The following ZNF254 variants were observed in gnomAD, a reference collection of about 807,000 sequenced individuals.
The protein encoded by ZNF254 is zinc finger protein 254.
A neutral mutation model predicts 12.4 loss-of-function variants in ZNF254; 10 were observed. The observed-to-expected ratio is 0.80, with a 90% CI of 0.50 to 1.36. The LOEUF (loss-of-function observed/expected upper bound fraction) is 1.36, where lower values mean the gene tolerates loss of function less well. ZNF254 is among the 40% of genes most tolerant of loss of function. ZNF254 has a pLI of 0.00. For missense variants in ZNF254, 996 were observed against 763.9 expected (o/e 1.30, Z -3.58); for synonymous variants, 305 against 253.4 (o/e 1.20, Z -1.93).
intron 1 of ZNF254, among the ~76,000 whole-genome samples, chr19:24,096,059 CTT>C (rs200037759): frequency 6.2e-4 from 75 of 121,570 alleles, no homozygotes; most frequent in Admixed American, 6.6e-4. Flanking sequence ...TTTTTTAGTT[CTT>C]TTTTTTTTTT....
intron 2 of ZNF254, among the ~76,000 whole-genome samples, chr19:24,068,374 C>T (rs1430621159): frequency 2.0e-5 from 3 of 151,972 alleles, no homozygotes; most frequent in Admixed American, 1.3e-4. Context: ...GATCTTGGCT[C>T]ACTGCAAAAT....
chr19:24,126,234 T>G lies in ZNF254; in HGVS notation c.254-20T>G, dbSNP rs1330242440. ...AGTCTAGTAAGTGGAGTAATTTATT[T>G]ATTTTTATTTTTTTTTCAGGTATGT... On this transcript the variant is annotated intron_variant, in intron 3 of 3. Transcript: ENST00000357002. 1 of 1,396,810 alleles carries G rather than the reference T, an allele frequency of 7.2e-7. No homozygotes were observed. Among genetic ancestry groups the G allele is most frequent in the Non-Finnish European group, 9.3e-7 (1 of 1,070,514 alleles). 86.5% of individuals were successfully genotyped at this position (1,396,810 alleles called of 1,614,324 possible).
chr19:24,054,946 TG>T (rs1970782883), intron 2 of ZNF254, among the ~76,000 whole-genome samples: 1 of 152,030 alleles, frequency 6.6e-6, no homozygotes, highest in Non-Finnish European at 1.5e-5. Context: ...GGCTCACGCC[TG>T]TAATCCCAGC....
At chr19:24,040,655 G>A (rs1292155955) in intron 1 of ZNF254, among the ~76,000 whole-genome samples, 3 of 152,116 alleles carry the variant, frequency 2.0e-5, no homozygotes, top group African/African-American at 4.8e-5. Context: ...GACACAATGC[G>A]AGTTTCCCAG....
chr19:24,048,003 C>CTTTTTTTTTTTTTTTTTTTTTTTT lies in ZNF254; in HGVS notation c.-94+1747_-94+1748insTTTTTTTTTTTTTTTTTTTTTTTT, dbSNP rs398034320. Among the ~76,000 whole-genome samples the CTTTTTTTTTTTTTTTTTTTTTTTT allele has an allele frequency of 3.5e-4, 24 of 68,820 alleles. 1 individual carries two copies. Among genetic ancestry groups the CTTTTTTTTTTTTTTTTTTTTTTTT allele is most frequent in the Admixed American group, 6.8e-4 (3 of 4,438 alleles). The allele number at this position is 68,820 out of a possible 152,430, so 45.1% of individuals were successfully genotyped here. ...CACCCGGCTCTTTTTTTCTTTTCTT[C>CTTTTTTTTTTTTTTTTTTTTTTTT]TTTTTTTTTTTTTTTTTTTTTTTGC... On this transcript the variant is annotated intron_variant, in intron 2 of 4. Transcript: ENST00000613065.
At chr19:24,109,310 C>T (rs983552017) in intron 3 of ZNF254, among the ~76,000 whole-genome samples, 2 of 152,156 alleles carry the variant, frequency 1.3e-5, no homozygotes, top group Non-Finnish European at 2.9e-5. Flanking sequence ...ATTTAAAACA[C>T]CTGCCTTCCT....
intron 3 of ZNF254, among the ~76,000 whole-genome samples, chr19:24,116,233 A>G (rs571686432): frequency 1.8e-4 from 28 of 152,106 alleles, no homozygotes; most frequent in African/African-American, 6.5e-4. Flanking sequence ...CTGAATCTGA[A>G]TGTTGGCCTG....
chr19:24,081,810 A>G (rs1308320450), intron 2 of ZNF254, among the ~76,000 whole-genome samples: 2 of 152,350 alleles, frequency 1.3e-5, no homozygotes, highest in African/African-American at 4.8e-5. Flanking sequence ...AAAGGCAATC[A>G]AGGTTTCTAA....
chr19:24,073,684 C>T (rs1286983556), intron 2 of ZNF254, among the ~76,000 whole-genome samples: 1 of 152,186 alleles, frequency 6.6e-6, no homozygotes, highest in Admixed American at 6.5e-5. Flanking sequence ...TGATGACTCT[C>T]AGACCAAGAT....
At chr19:24,076,217 G>A (rs1330287577) in intron 2 of ZNF254, among the ~76,000 whole-genome samples, 1 of 152,220 alleles carries the variant, frequency 6.6e-6, no homozygotes, top group Non-Finnish European at 1.5e-5. Flanking sequence ...AGTGATAAGT[G>A]TCCATGAAAT....
At chr19:24,037,803 T>C (rs1459022006) in intron 1 of ZNF254, among the ~76,000 whole-genome samples, 3 of 152,156 alleles carry the variant, frequency 2.0e-5, no homozygotes, top group Non-Finnish European at 4.4e-5. Flanking sequence ...GAGATGGGGT[T>C]TCTCCATGTT....
At chr19:24,086,547 C>T (rs139816717), upstream of ZNF254, among the ~76,000 whole-genome samples, 21 of 151,936 alleles carry the variant, frequency 1.4e-4, no homozygotes, top group East Asian at 3.5e-3. Flanking sequence ...ACGCGATCCA[C>T]GCTCACTGCA....
At chr19:24,042,783 G>A (rs902041737) in intron 1 of ZNF254, among the ~76,000 whole-genome samples, 3 of 152,032 alleles carry the variant, frequency 2.0e-5, no homozygotes, top group African/African-American at 7.3e-5. Flanking sequence ...CTAATATCAC[G>A]GCAGTAATTA....
intron 1 of ZNF254, among the ~76,000 whole-genome samples, chr19:24,090,377 T>C (rs557785563): frequency 1.6e-4 from 25 of 152,310 alleles, no homozygotes; most frequent in Admixed American, 1.6e-3. Flanking sequence ...ATGGCCTGAC[T>C]TGACACATGA....
At chr19:24,125,247 A>C (rs1974752250) in intron 3 of ZNF254, among the ~76,000 whole-genome samples, 1 of 106,552 alleles carries the variant, frequency 9.4e-6, no homozygotes, top group African/African-American at 3.6e-5. Context: ...TACTTTTAGG[A>C]TCTGTCAGTT....
At chr19:24,117,041 T>G (rs1243830377) in intron 3 of ZNF254, among the ~76,000 whole-genome samples, 2 of 152,132 alleles carry the variant, frequency 1.3e-5, no homozygotes, top group Admixed American at 6.5e-5. Context: ...TGCTGTCTGA[T>G]CATTCTTCTG....
chr19:24,122,731 C>G (rs1974566381), intron 3 of ZNF254, among the ~76,000 whole-genome samples: 1 of 151,988 alleles, frequency 6.6e-6, no homozygotes, highest in Admixed American at 6.6e-5. Context: ...TTTTATATTT[C>G]AAATTATATC....
intron 3 of ZNF254, among the ~76,000 whole-genome samples, chr19:24,108,570 C>T (rs1466712995): frequency 6.6e-6 from 1 of 152,116 alleles, no homozygotes; most frequent in African/African-American, 2.4e-5. Context: ...AAAAGCAATT[C>T]TCCAACTTTC....
intron 3 of ZNF254, among the ~76,000 whole-genome samples, chr19:24,111,230 AC>A (rs1281865292): frequency 2.1e-4 from 32 of 151,572 alleles, no homozygotes; most frequent in Non-Finnish European, 2.9e-5. Context: ...GCGATAGTTT[AC>A]TAAGAATGAT....
Sources: gnomAD v4.1 joint callset for allele counts (sites outside exome capture counted in the v4.1 genomes callset) on GRCh38, gnomAD v4.1.1 for gene constraint, MANE v1.5 for transcripts, NCBI Gene and HGNC (gene_info 2026-07-23, HGNC 2026-07-21) for gene names.